ZFAT: variants seen among roughly 807,000 people sequenced by gnomAD.
The protein encoded by ZFAT is zinc finger protein ZFAT.
In ZFAT, 64 loss-of-function variants were observed where a neutral mutation model predicts 117.7. That is an observed-to-expected ratio of 0.54 (90% CI 0.44 to 0.67). ZFAT has a LOEUF of 0.67. Among genes scored for constraint, ZFAT ranks in the 30% least tolerant of loss-of-function variants. The pLI is 0.00. For missense variants in ZFAT, 1,433 were observed against 1,584.5 expected, an observed-to-expected ratio of 0.90 and a Z score of 1.62; for synonymous variants, 679 against 615.0, an observed-to-expected ratio of 1.10 and a Z score of -1.54.
chr8:134,769,745 C>T, the ZFAT span, among the ~76,000 whole-genome samples: 4 of 152,350 alleles, frequency 2.6e-5, no homozygotes, highest in East Asian at 5.8e-4. Flanking sequence ...CGCCTCCCCC[C>T]ATCCCCCACC....
intron 12 of ZFAT, among the ~76,000 whole-genome samples, chr8:134,529,433 G>A (rs911373690): frequency 2.0e-5 from 3 of 152,204 alleles, no homozygotes; most frequent in Non-Finnish European, 2.9e-5. Context: ...AGCATGAAAC[G>A]TGCATTTGTG....
At chr8:134,799,404 A>C in the ZFAT span, among the ~76,000 whole-genome samples, 108 of 152,332 alleles carry the variant, frequency 7.1e-4, no homozygotes, top group African/African-American at 2.3e-3. Flanking sequence ...TCACCAAAAA[A>C]AGAAAAGGCA....
At chr8:134,719,465 T>C in the ZFAT span, among the ~76,000 whole-genome samples, 1 of 151,978 alleles carries the variant, frequency 6.6e-6, no homozygotes, top group Non-Finnish European at 1.5e-5. Flanking sequence ...GCAGCGAGGG[T>C]GAGAGCCAAC....
intron 10 of ZFAT, 148 bp from the exon 11 acceptor site, chr8:134,565,569 G>A (rs780180939): frequency 1.3e-6 from 1 of 778,718 alleles, no homozygotes; most frequent in Non-Finnish European, 2.2e-6. Flanking sequence ...GAGGTGCACA[G>A]GCACAATGCA....
intron 10 of ZFAT, among the ~76,000 whole-genome samples, chr8:134,578,373 T>C (rs1825466217): frequency 7.2e-6 from 1 of 139,344 alleles, no homozygotes; most frequent in African/African-American, 2.7e-5. Context: ...ATGGCACCAC[T>C]GCACTCCAGC....
At chr8:134,744,589 C>T in the ZFAT span, among the ~76,000 whole-genome samples, 53 of 152,226 alleles carry the variant, frequency 3.5e-4, no homozygotes, top group South Asian at 1.0e-3. Flanking sequence ...AACCACTGCG[C>T]GCAGCCTGAA....
chr8:134,717,881 G>A (rs1814229829), upstream of ZFAT, among the ~76,000 whole-genome samples: 1 of 151,976 alleles, frequency 6.6e-6, no homozygotes, highest in African/African-American at 2.4e-5. Context: ...TTTTAGTAGA[G>A]AAGGAGTTTT....
chr8:134,496,911 C>T (rs542347757), intron 15 of ZFAT, among the ~76,000 whole-genome samples: 15 of 152,184 alleles, frequency 9.9e-5, no homozygotes, highest in Non-Finnish European at 2.2e-4. Context: ...CCTGACAATC[C>T]AACAGCTGAA....
chr8:134,712,884 G>A lies in ZFAT; in HGVS notation c.-21C>T, dbSNP rs1563781106. The A allele has an allele frequency of 3.3e-6, 5 of 1,506,498 alleles. No homozygotes were observed. Among genetic ancestry groups the A allele is most frequent in the Admixed American group, 2.2e-5 (1 of 45,976 alleles). 93.3% of individuals were successfully genotyped at this position (1,506,498 alleles called of 1,614,324 possible). A position where few individuals can be genotyped will look rare whatever the true frequency, so the allele number is the denominator to read the frequency against. ...TCCATGGCAACGCCCCACCGCGGAG[G>A]AAAAAAAAGCCTCGGGCTCTTCCGG... On this transcript the variant is annotated 5_prime_UTR_variant, in exon 1 of 16. Coordinates refer to ENST00000377838, the MANE Select transcript of ZFAT (RefSeq NM_020863.4).
At chr8:134,662,495 G>C (rs1158027349) in intron 1 of ZFAT, among the ~76,000 whole-genome samples, 2 of 152,184 alleles carry the variant, frequency 1.3e-5, no homozygotes, top group Non-Finnish European at 2.9e-5. Flanking sequence ...CAAAAAGTGA[G>C]ATTTCCCTAA....
chr8:134,791,047 T>C, the ZFAT span, among the ~76,000 whole-genome samples: 1 of 152,196 alleles, frequency 6.6e-6, no homozygotes, highest in Non-Finnish European at 1.5e-5. Context: ...TGCCAATTCT[T>C]TCCCCTAATG....
At chr8:134,752,973 G>A in the ZFAT span, among the ~76,000 whole-genome samples, 1 of 152,174 alleles carries the variant, frequency 6.6e-6, no homozygotes, top group Non-Finnish European at 1.5e-5. Context: ...ACTGAGCAAA[G>A]GGATTATGGT....
chr8:134,595,875 G>T (rs983759795), intron 7 of ZFAT, among the ~76,000 whole-genome samples: 1 of 152,224 alleles, frequency 6.6e-6, no homozygotes, highest in Non-Finnish European at 1.5e-5. Context: ...GATGCAACTG[G>T]AAAGAACTTG....
chr8:134,586,912 T>C (rs1005140658), intron 9 of ZFAT, among the ~76,000 whole-genome samples: 4 of 152,208 alleles, frequency 2.6e-5, no homozygotes, highest in African/African-American at 4.8e-5. Context: ...ATTTTCCTCA[T>C]TGGTAAAATG....
intron 3 of ZFAT, among the ~76,000 whole-genome samples, chr8:134,622,027 A>G (rs1256071854): frequency 1.3e-5 from 2 of 152,274 alleles, no homozygotes; most frequent in East Asian, 1.9e-4. Context: ...ATGAGGGAAC[A>G]GATGCAGAAC....
At chr8:134,794,362 T>C in the ZFAT span, 1 of 152,242 alleles carries the variant, frequency 6.6e-6, no homozygotes, top group Non-Finnish European at 1.5e-5. Context: ...CACATGGACA[T>C]ACATACACGG....
intron 11 of ZFAT, among the ~76,000 whole-genome samples, chr8:134,543,313 G>C (rs1455795776): frequency 6.7e-6 from 1 of 149,880 alleles, no homozygotes; most frequent in Non-Finnish European, 1.5e-5. Flanking sequence ...AAGAGATGGG[G>C]TCATGTACAA....
chr8:134,800,831 C>T, the ZFAT span, among the ~76,000 whole-genome samples: 1 of 152,100 alleles, frequency 6.6e-6, no homozygotes. Flanking sequence ...TACAGGCACG[C>T]TACTATGCCC....
intron 13 of ZFAT, among the ~76,000 whole-genome samples, chr8:134,518,899 A>C (rs1820433900): frequency 6.6e-6 from 1 of 152,168 alleles, no homozygotes; most frequent in African/African-American, 2.4e-5. Context: ...CTTATCAAAA[A>C]GCCCACCTTT....
Sources: allele counts gnomAD v4.1 joint callset (sites outside exome capture counted in the v4.1 genomes callset), GRCh38; gene constraint gnomAD v4.1.1; transcripts MANE v1.5; gene names NCBI Gene and HGNC (gene_info 2026-07-23, HGNC 2026-07-21).